The following SHFL variants were observed in gnomAD, a reference collection of about 807,000 sequenced individuals.
The protein encoded by SHFL is shiftless antiviral inhibitor of ribosomal frameshifting, also known as shiftless antiviral inhibitor of ribosomal frameshifting protein.
SHFL carries 12 observed loss-of-function variants against 34.7 expected under a neutral mutation model. That is an observed-to-expected ratio of 0.35 (90% confidence interval 0.22 to 0.56). SHFL has a LOEUF of 0.56. Ranked by LOEUF, SHFL falls within the 20% of genes least tolerant of loss-of-function variation. The pLI is 0.88. For synonymous variants in SHFL, 148 were observed against 156.0 expected (o/e 0.95, Z 0.38); for missense variants, 278 against 411.1 (o/e 0.68, Z 2.80).
chr19:10,089,543 C>A, intron 3 of SHFL, 114 bp from the exon 4 acceptor site: 2 of 1,429,088 alleles, frequency 1.4e-6, no homozygotes, highest in South Asian at 1.2e-5. Flanking sequence ...GCTCTGTGAG[C>A]TTCTGGCGAG....
rs769478685 is a variant in SHFL, at chr19:10,092,714, C to T, written c.*412C>T. On this transcript the variant is annotated 3_prime_UTR_variant, in exon 8 of 8. Coordinates refer to ENST00000253110, the MANE Select transcript of SHFL (RefSeq NM_018381.4). ...TAGTGGCCGCCGTGGTGCCACACAC[C>T]GTTGAGGTTGGAGTGGGCACAGGCA... 5.1e-5 allele frequency: 82 copies of T among 1,613,812 alleles called. No individual in the cohort carries two copies. The highest frequency in any genetic ancestry group is 2.2e-5 in the East Asian group (1 of 44,888).
At position 10,091,592 on chromosome 19, in the gene SHFL, C is replaced by T; in HGVS notation, c.605C>T (p.Thr202Ile). The change falls in exon 7 of 8, where the codon ACT (threonine) becomes ATT (isoleucine). Residue 202 changes from threonine (T) to isoleucine (I), a missense_variant. Coordinates refer to ENST00000253110, the MANE Select transcript of SHFL (RefSeq NM_018381.4). This position sits in a 1 kb window ranked among gnomAD's most constrained non-coding sequence, Gnocchi z 8.2. ...DRDPDRRSTH[T>I]HSCSAADCYN... ...GACCCGGATCGCCGCAGCACCCACA[C>T]TCACTCCTGCTCAGCTGCCGACTGC... is the stretch of plus-strand genomic sequence containing the variant. 1 of 1,551,772 alleles carries T rather than the reference C, an allele frequency of 6.4e-7. No homozygotes were observed.
Position 10,092,243 on chromosome 19 carries a change from AAGGAGGAGGAGG to A in SHFL, c.822_833del (p.Glu278_Glu281del), listed in dbSNP as rs569120318. On this transcript the variant is annotated inframe_deletion, in exon 8 of 8. Transcript: ENST00000253110. Reference sequence around the variant, plus strand: ...GGACAACCTCATCCTGGAGGACCTGAAGGAGGAGGAGGAGGAAGAGGAGGAGGTGGAGGACGA... The same window carrying A: ...GGACAACCTCATCCTGGAGGACCTGAAGGAAGAGGAGGAGGTGGAGGACGA... 5.6e-6 allele frequency: 9 copies of A among 1,610,838 alleles called. No individual in the cohort carries two copies. The highest frequency in any genetic ancestry group is 7.6e-6 in the Non-Finnish European group (9 of 1,178,514).
chr19:10,090,128 A>C (rs1172603352), intron 5 of SHFL, 81 bp downstream of exon 5: 1 of 1,457,640 alleles, frequency 6.9e-7, no homozygotes, highest in Non-Finnish European at 9.4e-7. Flanking sequence ...TGTACCTCTG[A>C]CCTAAGGATT....
chr19:10,088,710 T>C (rs1429406529), intron 3 of SHFL, among the ~76,000 whole-genome samples: 1 of 151,546 alleles, frequency 6.6e-6, no homozygotes, highest in African/African-American at 2.4e-5. Context: ...CTTTGGGAGG[T>C]TGAGGCGGGC....
At position 10,091,158 on chromosome 19, in the gene SHFL, C is replaced by A; in HGVS notation, c.385-92C>A. On this transcript the variant is annotated intron_variant, in intron 5 of 7. Coordinates refer to ENST00000253110, the MANE Select transcript of SHFL (RefSeq NM_018381.4). This position sits in a 1 kb window ranked among gnomAD's most constrained non-coding sequence, Gnocchi z 8.2. ...TTGGGTTGCTCAAGCTGAGGCCAGC[C>A]GCTGCAGCACACTGCTAGCCCTGAC... 9.1e-7 allele frequency: 1 copy of A among 1,099,186 alleles called. No individual in the cohort carries two copies. Among genetic ancestry groups the A allele is most frequent in the Non-Finnish European group, 1.3e-6 (1 of 747,630 alleles). The allele number at this position is 1,099,186 out of a possible 1,614,324, so 68.1% of individuals were successfully genotyped here.
Position 10,092,284 on chromosome 19 carries a change from G to C in SHFL, c.858G>C (p.Glu286Asp). ...AAGAGGAGGAGGTGGAGGACGAGGA[G>C]GGCGGGCCCAGGGAGTGACCCCTGC... ...EEEEEEVEDE[E>D]GGPRE The change falls in exon 8 of 8, where the codon GAG (glutamate) becomes GAC (aspartate). Residue 286 changes from glutamate to aspartate, a missense_variant. By Grantham distance (45) the Glu-to-Asp change is conservative. Transcript: ENST00000253110. The C allele has an allele frequency of 6.3e-7, 1 of 1,586,048 alleles. No homozygotes were observed. Among genetic ancestry groups the C allele is most frequent in the Non-Finnish European group, 8.6e-7 (1 of 1,166,502 alleles).
chr19:10,089,117 A>C (rs1287055666), intron 3 of SHFL: 6 of 634,540 alleles, frequency 9.5e-6, no homozygotes, highest in Non-Finnish European at 1.7e-5. Flanking sequence ...ACAGACAAAG[A>C]AACTGAGGCC....
Position 10,091,117 on chromosome 19 carries a change from G to A in SHFL, c.385-133G>A. On this transcript the variant is annotated intron_variant, in intron 5 of 7. Transcript: ENST00000253110. This position sits in a 1 kb window ranked among gnomAD's most constrained non-coding sequence, Gnocchi z 8.2. ...ATGGTCAATATCAGGCTACCCACGT[G>A]AAGTCACTGATTGAGTTGGGTTGCT... The A allele has an allele frequency of 1.5e-6, 1 of 664,930 alleles. No individual in the cohort carries two copies. The highest frequency in any genetic ancestry group is 1.8e-5 in the African/African-American group (1 of 55,914). The allele number at this position is 664,930 out of a possible 1,614,324, so 41.2% of individuals were successfully genotyped here. A position where few individuals can be genotyped will look rare whatever the true frequency, so the allele number is the denominator to read the frequency against.
In SHFL at chr19:10,091,943, A is replaced by T; in HGVS notation, c.644-127A>T. The T allele has an allele frequency of 1.7e-6, 2 of 1,172,132 alleles. No individual in the cohort carries two copies. The highest frequency in any genetic ancestry group is 2.7e-5 in the South Asian group (2 of 75,170). The allele number at this position is 1,172,132 out of a possible 1,614,324, so 72.6% of individuals were successfully genotyped here. ...GTATCTTCAACACCCCTGAATGTCC[A>T]GTTGTGCTGGTCCCCGTATCTGGTG... On this transcript the variant is annotated intron_variant, in intron 7 of 7. Coordinates refer to ENST00000253110, the MANE Select transcript of SHFL (RefSeq NM_018381.4). This position sits in a 1 kb window ranked among gnomAD's most constrained non-coding sequence, Gnocchi z 8.2.
intron 5 of SHFL, among the ~76,000 whole-genome samples, chr19:10,090,950 C>G (rs769269468): frequency 7.9e-5 from 12 of 151,938 alleles, no homozygotes; most frequent in Non-Finnish European, 1.2e-4. Flanking sequence ...AATCTGACCT[C>G]AAAAACACAG....
chr19:10,087,347 A>G (rs1201083537), intron 3 of SHFL, 47 bp downstream of exon 3: 1 of 1,609,920 alleles, frequency 6.2e-7, no homozygotes, highest in East Asian at 2.2e-5. Context: ...CGGGAGGGAG[A>G]GCAAGAGGGG....
In SHFL at chr19:10,086,523, C is replaced by G. The variant is rs1041223731; in HGVS notation, c.21+75C>G. ...GAGCGGCCGGGAGGCGCGGAGGGGG[C>G]TTCGCAGTTCCTGGGGACCCCCATC... On this transcript the variant is annotated intron_variant, in intron 1 of 7. Transcript: ENST00000253110. This position sits in a 1 kb window ranked among gnomAD's most constrained non-coding sequence, Gnocchi z 5.2. 7.8e-7 allele frequency: 1 copy of G among 1,280,874 alleles called. No homozygotes were observed. Among genetic ancestry groups the G allele is most frequent in the African/African-American group, 1.5e-5 (1 of 65,100 alleles). 79.3% of individuals were successfully genotyped at this position (1,280,874 alleles called of 1,614,324 possible).
At chr19:10,090,216 G>T in intron 5 of SHFL, 169 bp downstream of exon 5, 1 of 744,002 alleles carries the variant, frequency 1.3e-6, no homozygotes, top group South Asian at 1.8e-5. Flanking sequence ...CCTGACCCAG[G>T]ACTGGACTTC....
chr19:10,088,612 A>G (rs1599274158), intron 3 of SHFL, among the ~76,000 whole-genome samples: 1 of 151,940 alleles, frequency 6.6e-6, no homozygotes, highest in East Asian at 1.9e-4. Context: ...CAAAACATGT[A>G]TCATAGTCTA....
rs535015105 is a variant in SHFL, at chr19:10,093,219, C to G, written c.*917C>G. 4 of 1,259,710 alleles carry G rather than the reference C, an allele frequency of 3.2e-6. No individual in the cohort carries two copies. The highest frequency in any genetic ancestry group is 3.0e-5 in the South Asian group (2 of 67,110). 78.0% of individuals were successfully genotyped at this position (1,259,710 alleles called of 1,614,324 possible). A position where few individuals can be genotyped will look rare whatever the true frequency, so the allele number is the denominator to read the frequency against. On this transcript the variant is annotated 3_prime_UTR_variant, in exon 8 of 8. Coordinates refer to ENST00000253110, the MANE Select transcript of SHFL (RefSeq NM_018381.4). ...AAAGTCCTGACCTTTGTTCTCTTGA[C>G]GGAATAAAAGCTTGCTTATCCTTAT...
rs760635925 is a variant in SHFL at position 10,089,981 on chromosome 19, G to T, written c.318G>T (p.Val106=). ...CCCAGGACGACCTTATCCCTGCTGT[G>T]GACCGGCAGTTTGCCTGCTCCTCCT... ...QRAQDDLIPA[V]DRQFACSSCD... Residue 106 remains valine (V), a synonymous_variant, in exon 5 of 8, where the codon GTG becomes GTT. Coordinates refer to ENST00000253110, the MANE Select transcript of SHFL (RefSeq NM_018381.4). 2 of 1,610,100 alleles carry T rather than the reference G, an allele frequency of 1.2e-6. No individual in the cohort carries two copies. Among genetic ancestry groups the T allele is most frequent in the East Asian group, 4.5e-5 (2 of 44,774 alleles).
chr19:10,091,763 C>G lies in SHFL; in HGVS notation c.643+133C>G. ...GCTTCCACATGGCCTCCATGACCCC[C>G]CAGTCTCCGTGGTCTTGCCCAGGAG... On this transcript the variant is annotated intron_variant, in intron 7 of 7. Transcript: ENST00000253110. This position sits in a 1 kb window ranked among gnomAD's most constrained non-coding sequence, Gnocchi z 8.2. 6 of 1,273,866 alleles carry G rather than the reference C, an allele frequency of 4.7e-6. No homozygotes were observed. Among genetic ancestry groups the G allele is most frequent in the Non-Finnish European group, 6.4e-6 (6 of 941,770 alleles). The allele number at this position is 1,273,866 out of a possible 1,614,324, so 78.9% of individuals were successfully genotyped here.
rs567037098 is a variant in SHFL, at chr19:10,086,568, C to G, written c.21+120C>G. On this transcript the variant is annotated intron_variant, in intron 1 of 7. Coordinates refer to ENST00000253110, the MANE Select transcript of SHFL (RefSeq NM_018381.4). The surrounding 1 kb of genome is among the most constrained non-coding windows in gnomAD (Gnocchi z 5.2). ...CCCATCCTAGAACCCCAGATCCTTA[C>G]CCCTGCCTGGCGCTCGCCCCCCTTG... 3.2e-4 allele frequency: 329 copies of G among 1,015,686 alleles called. 2 individuals carry two copies. The African/African-American group carries it at 4.5e-3, about 14-fold the overall frequency. The allele number at this position is 1,015,686 out of a possible 1,614,324, so 62.9% of individuals were successfully genotyped here. A position where few individuals can be genotyped will look rare whatever the true frequency, so the allele number is the denominator to read the frequency against.
Sources: allele counts gnomAD v4.1 joint callset (sites outside exome capture counted in the v4.1 genomes callset), GRCh38; gene constraint gnomAD v4.1.1; non-coding constraint Gnocchi (gnomAD v3.1); transcripts MANE v1.5; gene names NCBI Gene and HGNC (gene_info 2026-07-23, HGNC 2026-07-21).